HCN1: variants seen among roughly 807,000 people sequenced by gnomAD.
The protein encoded by HCN1 is potassium/sodium hyperpolarization-activated cyclic nucleotide-gated channel 1.
HCN1 carries 13 observed loss-of-function variants against 78.9 expected under a neutral mutation model. That is an observed-to-expected ratio of 0.16 (90% confidence interval 0.11 to 0.26). The LOEUF (loss-of-function observed/expected upper bound fraction) is 0.26. Among genes scored for constraint, HCN1 ranks in the 10% least tolerant of loss-of-function variants. The pLI, the probability that HCN1 is intolerant of heterozygous loss-of-function variation, is 1.00. For missense variants in HCN1, 810 were observed against 1,154.3 expected, an observed-to-expected ratio of 0.70 and a Z score of 4.32; for synonymous variants, 552 against 455.5, an observed-to-expected ratio of 1.21 and a Z score of -2.70.
chr5:45,374,688 C>A (rs944028982), intron 4 of HCN1, among the ~76,000 whole-genome samples: 1 of 148,610 alleles, frequency 6.7e-6, no homozygotes, highest in Non-Finnish European at 1.5e-5. Flanking sequence ...GCAGAGACAA[C>A]AAAAAAAGAA....
At chr5:45,524,058 C>T (rs1246414896) in intron 2 of HCN1, among the ~76,000 whole-genome samples, 2 of 152,210 alleles carry the variant, frequency 1.3e-5, no homozygotes, top group Admixed American at 6.6e-5. Flanking sequence ...GGAAGGGATC[C>T]AGTTTCAGCT....
chr5:45,296,883 A>G, intron 6 of HCN1, among the ~76,000 whole-genome samples: 1 of 152,062 alleles, frequency 6.6e-6, no homozygotes, highest in Non-Finnish European at 1.5e-5. Flanking sequence ...ACAAACTAAT[A>G]AAATTCACAT....
intron 5 of HCN1, among the ~76,000 whole-genome samples, chr5:45,332,358 A>G (rs902929314): frequency 1.3e-5 from 2 of 151,612 alleles, no homozygotes; most frequent in Non-Finnish European, 3.0e-5. Flanking sequence ...TCTTTTAGTT[A>G]TTTTTAAATG....
At chr5:45,543,081 A>C (rs1285872620) in intron 2 of HCN1, among the ~76,000 whole-genome samples, 1 of 152,140 alleles carries the variant, frequency 6.6e-6, no homozygotes, top group Admixed American at 6.6e-5. Context: ...CTCTCTGAGA[A>C]GTAATATGCA....
At chr5:45,407,610 A>G (rs1739950665) in intron 3 of HCN1, among the ~76,000 whole-genome samples, 1 of 151,952 alleles carries the variant, frequency 6.6e-6, no homozygotes, top group Non-Finnish European at 1.5e-5. Context: ...ACCTCCGCCT[A>G]CCTGGCTCAT....
intron 2 of HCN1, among the ~76,000 whole-genome samples, chr5:45,520,472 A>G (rs1742594371): frequency 1.3e-5 from 2 of 152,062 alleles, no homozygotes; most frequent in African/African-American, 4.8e-5. Context: ...TGTCTGTTAC[A>G]TAGCACAGAA....
chr5:45,371,771 A>G (rs574394817), intron 4 of HCN1, among the ~76,000 whole-genome samples: 19 of 142,702 alleles, frequency 1.3e-4, no homozygotes, highest in East Asian at 4.0e-4. Flanking sequence ...AAAAAAATAT[A>G]TATATATATG....
At chr5:45,588,880 C>T (rs184977677) in intron 2 of HCN1, among the ~76,000 whole-genome samples, 158 of 152,276 alleles carry the variant, frequency 1.0e-3, no homozygotes, top group African/African-American at 3.6e-3. Context: ...ATTTATCTCA[C>T]GCCTGATAAA....
chr5:45,573,633 T>TA (rs1191608943), intron 2 of HCN1, among the ~76,000 whole-genome samples: 2 of 151,966 alleles, frequency 1.3e-5, no homozygotes, highest in Non-Finnish European at 2.9e-5. Context: ...CTTCCAGAAA[T>TA]AGACTTGAAA....
At chr5:45,436,084 A>G (rs1740555987) in intron 3 of HCN1, among the ~76,000 whole-genome samples, 1 of 152,222 alleles carries the variant, frequency 6.6e-6, no homozygotes, top group Non-Finnish European at 1.5e-5. Context: ...TAACTGACAT[A>G]CATATAAATA....
chr5:45,608,657 A>T (rs1049466841), intron 2 of HCN1, among the ~76,000 whole-genome samples: 4 of 152,026 alleles, frequency 2.6e-5, no homozygotes, highest in African/African-American at 9.6e-5. Context: ...ATGGAAAATG[A>T]CATAACCCAT....
intron 2 of HCN1, among the ~76,000 whole-genome samples, chr5:45,632,941 T>C (rs956028701): frequency 2.0e-5 from 3 of 152,044 alleles, no homozygotes; most frequent in Admixed American, 1.3e-4. Flanking sequence ...TGATTTGCTG[T>C]TGGTCATGCA....
intron 5 of HCN1, among the ~76,000 whole-genome samples, chr5:45,307,212 T>A (rs901147634): frequency 6.6e-6 from 1 of 152,096 alleles, no homozygotes; most frequent in Non-Finnish European, 1.5e-5. Flanking sequence ...ATCTAAATGA[T>A]TGGTTAAACT....
At chr5:45,460,621 G>A (rs77734882) in intron 3 of HCN1, among the ~76,000 whole-genome samples, 2 of 151,754 alleles carry the variant, frequency 1.3e-5, no homozygotes, top group East Asian at 3.9e-4. Context: ...TGATATATAA[G>A]CAAATATTAA....
At chr5:45,695,524 G>A (rs914556488) in intron 1 of HCN1, 145 bp downstream of exon 1, 2 of 733,838 alleles carry the variant, frequency 2.7e-6, no homozygotes, top group Non-Finnish European at 4.4e-6. Flanking sequence ...GCCGAGTGGA[G>A]CCTGCTTAGC....
At chr5:45,607,927 A>C (rs1744755016) in intron 2 of HCN1, among the ~76,000 whole-genome samples, 1 of 151,838 alleles carries the variant, frequency 6.6e-6, no homozygotes, top group African/African-American at 2.4e-5. Context: ...GGTCATAAAG[A>C]AACAAAACTC....
intron 2 of HCN1, among the ~76,000 whole-genome samples, chr5:45,586,107 G>T (rs1262890118): frequency 6.6e-6 from 1 of 152,122 alleles, no homozygotes; most frequent in African/African-American, 2.4e-5. Context: ...TTTTGGCTAT[G>T]CTCTGCCCCC....
intron 4 of HCN1, among the ~76,000 whole-genome samples, chr5:45,361,543 T>A (rs1224853979): frequency 6.6e-6 from 1 of 152,174 alleles, no homozygotes; most frequent in African/African-American, 2.4e-5. Flanking sequence ...AATTCCTGAC[T>A]TCAGGTGATC....
At chr5:45,337,465 T>A (rs1746486672) in intron 5 of HCN1, among the ~76,000 whole-genome samples, 1 of 152,176 alleles carries the variant, frequency 6.6e-6, no homozygotes, top group African/African-American at 2.4e-5. Context: ...CAAGCACTAC[T>A]GTTCTCTTGG....
Sources: gnomAD v4.1 joint callset for allele counts (sites outside exome capture counted in the v4.1 genomes callset) on GRCh38, gnomAD v4.1.1 for gene constraint, MANE v1.5 for transcripts, NCBI Gene and HGNC (gene_info 2026-07-23, HGNC 2026-07-21) for gene names.